AP3B1: variants seen among roughly 807,000 people sequenced by gnomAD.
AP3B1 encodes the protein AP-3 complex subunit beta-1.
AP3B1 carries 61 observed loss-of-function variants against 132.5 expected under a neutral mutation model. That is an observed-to-expected ratio of 0.46 (90% confidence interval 0.37 to 0.57). The LOEUF (loss-of-function observed/expected upper bound fraction) is 0.57, where lower values mean the gene tolerates loss of function less well. AP3B1 is among the 20% of genes least tolerant of loss of function. The pLI, the probability that AP3B1 is intolerant of heterozygous loss-of-function variation, is 0.00. For synonymous variants in AP3B1, 388 were observed against 438.3 expected, an observed-to-expected ratio of 0.89 and a Z score of 1.43; for missense variants, 1,120 against 1,289.4, an observed-to-expected ratio of 0.87 and a Z score of 2.01.
intron 3 of AP3B1, among the ~76,000 whole-genome samples, chr5:78,237,619 G>A (rs1746934072): frequency 6.6e-6 from 1 of 152,216 alleles, no homozygotes; most frequent in South Asian, 2.1e-4. Context: ...ACCAGCCTGG[G>A]CAACATGACA....
intron 15 of AP3B1, among the ~76,000 whole-genome samples, chr5:78,132,188 GT>G (rs1181169935): frequency 2.6e-5 from 4 of 152,256 alleles, no homozygotes; most frequent in Non-Finnish European, 5.9e-5. Context: ...TAAGCAGTTT[GT>G]TCGCATGCAC....
intron 22 of AP3B1, among the ~76,000 whole-genome samples, chr5:78,067,194 A>T (rs1749328806): frequency 6.6e-6 from 1 of 152,212 alleles, no homozygotes; most frequent in Non-Finnish European, 1.5e-5. Flanking sequence ...TAATGGTAAA[A>T]GGCTCAATTC....
At chr5:78,060,051 C>A (rs1018042731) in intron 22 of AP3B1, among the ~76,000 whole-genome samples, 1 of 151,730 alleles carries the variant, frequency 6.6e-6, no homozygotes, top group Non-Finnish European at 1.5e-5. Context: ...TAATAAAATA[C>A]CTAGGTTAGA....
intron 19 of AP3B1, among the ~76,000 whole-genome samples, chr5:78,112,992 C>T (rs754641274): frequency 1.3e-5 from 2 of 152,140 alleles, no homozygotes; most frequent in Non-Finnish European, 2.9e-5. Context: ...GGGCATTATG[C>T]TGTGTTTGTT....
At chr5:78,248,428 G>C (rs1489291130) in intron 2 of AP3B1, among the ~76,000 whole-genome samples, 3 of 143,350 alleles carry the variant, frequency 2.1e-5, no homozygotes, top group Non-Finnish European at 3.0e-5. Flanking sequence ...AGGAGGCAGA[G>C]GTTGCAGTGA....
chr5:78,117,562 G>C (rs539482921), intron 17 of AP3B1, among the ~76,000 whole-genome samples: 1 of 152,072 alleles, frequency 6.6e-6, no homozygotes, highest in East Asian at 1.9e-4. Context: ...CACCTGCCTC[G>C]ACCTCCCAAA....
At chr5:78,250,327 A>T (rs1253960778) in intron 2 of AP3B1, among the ~76,000 whole-genome samples, 2 of 152,210 alleles carry the variant, frequency 1.3e-5, no homozygotes, top group Admixed American at 6.5e-5. Flanking sequence ...AAACAGAAAA[A>T]CAGTGAAGAA....
intron 22 of AP3B1, among the ~76,000 whole-genome samples, chr5:78,085,578 G>C (rs528144834): frequency 1.3e-5 from 2 of 152,176 alleles, no homozygotes; most frequent in East Asian, 1.9e-4. Context: ...GCACTATTCT[G>C]ATTTGTTATA....
chr5:78,224,636 C>G (rs1746329125), intron 6 of AP3B1, among the ~76,000 whole-genome samples: 1 of 151,674 alleles, frequency 6.6e-6, no homozygotes, highest in South Asian at 2.1e-4. Flanking sequence ...AAAATATAAA[C>G]AGGCTGAAAG....
At chr5:78,249,418 T>C (rs760716182) in intron 2 of AP3B1, among the ~76,000 whole-genome samples, 1 of 152,114 alleles carries the variant, frequency 6.6e-6, no homozygotes, top group Non-Finnish European at 1.5e-5. Flanking sequence ...TGGGAAGTTT[T>C]CTACCATTAT....
At chr5:78,130,378 T>A (rs970033165) in intron 15 of AP3B1, among the ~76,000 whole-genome samples, 1 of 152,056 alleles carries the variant, frequency 6.6e-6, no homozygotes, top group Non-Finnish European at 1.5e-5. Flanking sequence ...TAAGTCAAAG[T>A]ACAGAAATGG....
chr5:78,004,014 G>C (rs2112030321), intron 26 of AP3B1, among the ~76,000 whole-genome samples: 1 of 152,220 alleles, frequency 6.6e-6, no homozygotes, highest in East Asian at 1.9e-4. Context: ...GGGATGACTG[G>C]AGAAAAACAA....
rs1306717601 is a variant in AP3B1, at chr5:78,128,036, T to C, written c.1962A>G (p.Ile654Met). The change falls in exon 17 of 27, where the codon ATA becomes ATG. Residue 654 changes from isoleucine (I) to methionine (M), a missense_variant. Physicochemically the swap from Ile to Met is conservative, Grantham distance 10. Transcript: ENST00000255194. ...PDPSVRNVEVIELAKEWTPAG... is the reference protein window; with the variant it reads ...PDPSVRNVEVMELAKEWTPAG... ...TTCAGAAAGGTCAACTTACCAACTCTATTACTTCTACATTTCGAACTGATG... is the reference window on the plus strand; with the variant it reads ...TTCAGAAAGGTCAACTTACCAACTCCATTACTTCTACATTTCGAACTGATG... 2 of 1,612,708 alleles carry C rather than the reference T, an allele frequency of 1.2e-6. No individual in the cohort carries two copies. The highest frequency in any genetic ancestry group is 2.2e-5 in the East Asian group (1 of 44,848).
chr5:78,113,590 A>G (rs1306245425), intron 19 of AP3B1, among the ~76,000 whole-genome samples, 162 bp downstream of exon 19: 2 of 152,244 alleles, frequency 1.3e-5, no homozygotes, highest in African/African-American at 4.8e-5. Context: ...AAGTAGGAAA[A>G]TAATGTGAAC....
chr5:78,225,536 A>G lies in AP3B1; in HGVS notation c.603+6T>C, dbSNP rs1746366864. ...TATGTCAAAGACGTAAAAAGACATT[A>G]CTTACTGTGCTTTTATCTTTCAGAA... On this transcript the variant is annotated splice_donor_region_variant and intron_variant, in intron 6 of 26. Coordinates refer to ENST00000255194, the MANE Select transcript of AP3B1 (RefSeq NM_003664.5). The G allele has an allele frequency of 2.0e-6, 3 of 1,502,448 alleles. No homozygotes were observed. The East Asian group carries it at 6.8e-5, about 34-fold the overall frequency. 93.1% of individuals were successfully genotyped at this position (1,502,448 alleles called of 1,614,324 possible). A position where few individuals can be genotyped will look rare whatever the true frequency, so the allele number is the denominator to read the frequency against.
chr5:78,191,467 G>A (rs1744830346), intron 7 of AP3B1, among the ~76,000 whole-genome samples: 1 of 151,564 alleles, frequency 6.6e-6, no homozygotes. Flanking sequence ...AACAAAAGGT[G>A]AGGCCAGGAT....
intron 2 of AP3B1, among the ~76,000 whole-genome samples, chr5:78,245,806 T>C (rs1269120045): frequency 6.6e-6 from 1 of 152,148 alleles, no homozygotes; most frequent in Non-Finnish European, 1.5e-5. Context: ...GAGGGAAAAG[T>C]AAGGTTCATA....
chr5:78,243,440 G>A (rs1163013302), intron 2 of AP3B1, among the ~76,000 whole-genome samples: 2 of 152,206 alleles, frequency 1.3e-5, no homozygotes, highest in Non-Finnish European at 2.9e-5. Context: ...ACAAATATTT[G>A]CTGAGAAGAT....
chr5:78,053,137 T>C (rs1321726457), intron 22 of AP3B1, among the ~76,000 whole-genome samples: 1 of 152,272 alleles, frequency 6.6e-6, no homozygotes, highest in Admixed American at 6.5e-5. Context: ...AAACATAATA[T>C]AAAAAAGAAA....
Sources: gnomAD v4.1 joint callset for allele counts (sites outside exome capture counted in the v4.1 genomes callset) on GRCh38, gnomAD v4.1.1 for gene constraint, MANE v1.5 for transcripts, NCBI Gene and HGNC (gene_info 2026-07-23, HGNC 2026-07-21) for gene names.